Variants in RNF180 observed in about 807,000 individuals in gnomAD.
The protein encoded by RNF180 is E3 ubiquitin-protein ligase RNF180.
A neutral mutation model predicts 59.2 loss-of-function variants in RNF180; 38 were observed. The ratio of observed to expected loss-of-function variants is 0.64; its 90% CI spans 0.50 to 0.84. RNF180 has a LOEUF of 0.84. Among genes scored for constraint, RNF180 ranks in the 40% least tolerant of loss-of-function variants. The probability of loss-of-function intolerance (pLI) is 0.00; values close to 1 mark genes in which losing one functional copy is unlikely to be tolerated. For missense variants in RNF180, 705 were observed against 700.9 expected, an observed-to-expected ratio of 1.01 and a Z score of -0.07; for synonymous variants, 262 against 240.3, an observed-to-expected ratio of 1.09 and a Z score of -0.84.
intron 7 of RNF180, among the ~76,000 whole-genome samples, chr5:64,364,516 CA>C (rs1561282358): frequency 1.3e-5 from 2 of 151,558 alleles, no homozygotes; most frequent in African/African-American, 4.8e-5. Context: ...TTGTCAAGGA[CA>C]TTGGCCTGAA....
At chr5:64,263,592 TA>T (rs1209628743) in intron 5 of RNF180, among the ~76,000 whole-genome samples, 7 of 152,216 alleles carry the variant, frequency 4.6e-5, no homozygotes, top group Non-Finnish European at 1.0e-4. Context: ...TTTTTTAATG[TA>T]AAATACTTGT....
At chr5:64,359,087 A>G (rs1244287092) in intron 7 of RNF180, among the ~76,000 whole-genome samples, 72 of 151,514 alleles carry the variant, frequency 4.8e-4, no homozygotes, top group African/African-American at 7.0e-4. Flanking sequence ...TAATGCCACA[A>G]TAAACATACG....
chr5:64,284,848 A>G (rs75373677), intron 5 of RNF180, among the ~76,000 whole-genome samples: 2,834 of 152,310 alleles, frequency 0.019, 87 homozygotes, highest in African/African-American at 0.064. Flanking sequence ...CTGCTTAAGA[A>G]TCATTGCTGG....
At chr5:64,236,145 C>T (rs551968911) in intron 5 of RNF180, among the ~76,000 whole-genome samples, 2 of 152,272 alleles carry the variant, frequency 1.3e-5, no homozygotes, top group East Asian at 3.9e-4. Context: ...TTCCTAGAGC[C>T]TTGTTGAATG....
intron 5 of RNF180, among the ~76,000 whole-genome samples, chr5:64,305,471 T>C (rs1303904589): frequency 6.6e-6 from 1 of 151,464 alleles, no homozygotes; most frequent in Admixed American, 6.6e-5. Flanking sequence ...CCAAGGCATG[T>C]TACTGAATTT....
chr5:64,200,365 G>A (rs1178085924), intron 1 of RNF180, among the ~76,000 whole-genome samples: 1 of 152,196 alleles, frequency 6.6e-6, no homozygotes, highest in African/African-American at 2.4e-5. Context: ...TGAGGCAAGA[G>A]GATTGCTTGA....
chr5:64,336,012 T>C (rs1021179034), intron 7 of RNF180, among the ~76,000 whole-genome samples: 1 of 152,190 alleles, frequency 6.6e-6, no homozygotes, highest in Non-Finnish European at 1.5e-5. Context: ...CTTGCTATGT[T>C]GTCCTCTTCT....
At chr5:64,346,913 T>C (rs1335707755) in intron 7 of RNF180, among the ~76,000 whole-genome samples, 14 of 152,298 alleles carry the variant, frequency 9.2e-5, no homozygotes, top group Non-Finnish European at 2.1e-4. Flanking sequence ...CCTTGAAAGA[T>C]TATTTTGTTT....
At chr5:64,309,480 T>C (rs1300019722) in intron 5 of RNF180, among the ~76,000 whole-genome samples, 1 of 151,688 alleles carries the variant, frequency 6.6e-6, no homozygotes, top group Non-Finnish European at 1.5e-5. Context: ...ATATGGAAAA[T>C]AGTTTGTCAG....
rs189536123 is a variant in RNF180, at chr5:64,232,537, G to A, written c.1227+15141G>A. ...TAGCCAGGCTTGGTAACTCTTACATGTTTGTTCAAAAGTTTAGGAGAATAT... is the reference window on the plus strand; with the variant it reads ...TAGCCAGGCTTGGTAACTCTTACATATTTGTTCAAAAGTTTAGGAGAATAT... On this transcript the variant is annotated intron_variant, in intron 5 of 7. Coordinates refer to ENST00000389100, the MANE Select transcript of RNF180 (RefSeq NM_001113561.2). Among the ~76,000 whole-genome samples the A allele has an allele frequency of 1.5e-3, 223 of 152,254 alleles. 1 individual carries two copies. The highest frequency in any genetic ancestry group is 5.2e-3 in the African/African-American group (214 of 41,542).
intron 5 of RNF180, among the ~76,000 whole-genome samples, chr5:64,224,062 G>GGGGTGTGTGT (rs139723027): frequency 7.1e-6 from 1 of 141,348 alleles, no homozygotes; most frequent in East Asian, 2.1e-4. Context: ...TCTAGGTTGG[G>GGGGTGTGTGT]GTGTGTGTGT....
intron 5 of RNF180, among the ~76,000 whole-genome samples, chr5:64,245,765 A>G (rs1743111907): frequency 6.6e-6 from 1 of 152,220 alleles, no homozygotes; most frequent in African/African-American, 2.4e-5. Context: ...GACCAAGTGG[A>G]TCTAATAGAC....
intron 5 of RNF180, among the ~76,000 whole-genome samples, chr5:64,322,590 A>AAT (rs939349888): frequency 9.8e-5 from 13 of 132,194 alleles, no homozygotes; most frequent in South Asian, 7.9e-4. Context: ...TATATAACGG[A>AAT]ATATATATAT....
intron 5 of RNF180, among the ~76,000 whole-genome samples, chr5:64,269,188 A>G (rs1421505900): frequency 6.6e-6 from 1 of 152,112 alleles, no homozygotes; most frequent in Non-Finnish European, 1.5e-5. Flanking sequence ...AATGCCTTTA[A>G]TATTTTATAC....
intron 5 of RNF180, among the ~76,000 whole-genome samples, chr5:64,225,848 G>T: frequency 6.9e-6 from 1 of 144,986 alleles, no homozygotes. Context: ...TGAAGCGAGC[G>T]CCTCTGCCCG....
chr5:64,191,632 G>A (rs1220139888), intron 1 of RNF180, among the ~76,000 whole-genome samples: 1 of 152,186 alleles, frequency 6.6e-6, no homozygotes, highest in Non-Finnish European at 1.5e-5. Flanking sequence ...AGACTAATAT[G>A]TCAGTGTTTA....
intron 1 of RNF180, among the ~76,000 whole-genome samples, chr5:64,189,390 G>A (rs749996497): frequency 2.4e-4 from 37 of 152,188 alleles, no homozygotes; most frequent in Non-Finnish European, 5.0e-4. Flanking sequence ...GGATGTTAAA[G>A]GTGATTCTGG....
intron 5 of RNF180, among the ~76,000 whole-genome samples, chr5:64,263,172 C>CTGG (rs1744449410): frequency 6.6e-6 from 1 of 152,064 alleles, no homozygotes; most frequent in African/African-American, 2.4e-5. Flanking sequence ...ATTTATTCAC[C>CTGG]TGGTTGGTGG....
At chr5:64,177,109 G>A (rs895946632) in intron 1 of RNF180, among the ~76,000 whole-genome samples, 5 of 152,162 alleles carry the variant, frequency 3.3e-5, no homozygotes, top group Admixed American at 6.6e-5. Flanking sequence ...CTGATGATAC[G>A]TGAAGTGTAT....
Sources: allele counts gnomAD v4.1 joint callset (sites outside exome capture counted in the v4.1 genomes callset), GRCh38; gene constraint gnomAD v4.1.1; transcripts MANE v1.5; gene names NCBI Gene and HGNC (gene_info 2026-07-23, HGNC 2026-07-21).